SLMAP: variants seen among roughly 807,000 people sequenced by gnomAD.
SLMAP encodes sarcolemmal membrane-associated protein.
SLMAP carries 44 observed loss-of-function variants against 128.8 expected under a neutral mutation model. The observed-to-expected ratio is 0.34, with a 90% CI of 0.27 to 0.44. SLMAP has a LOEUF of 0.44. Among genes scored for constraint, SLMAP ranks in the 20% least tolerant of loss-of-function variants. The pLI is 1.00. For synonymous variants in SLMAP, 327 were observed against 348.8 expected (o/e 0.94, Z 0.70); for missense variants, 787 against 985.3 (o/e 0.80, Z 2.69).
At chr3:57,774,200 A>G (rs1325068802) in intron 2 of SLMAP, among the ~76,000 whole-genome samples, 1 of 152,200 alleles carries the variant, frequency 6.6e-6, no homozygotes, top group African/African-American at 2.4e-5. Flanking sequence ...GTGGAGGCAG[A>G]GTTTTAAGAT....
At chr3:57,916,128 C>T (rs1009777568) in intron 21 of SLMAP, among the ~76,000 whole-genome samples, 8 of 151,824 alleles carry the variant, frequency 5.3e-5, no homozygotes, top group Non-Finnish European at 7.4e-5. Flanking sequence ...TGCACTCCAG[C>T]CTGGGCAACA....
chr3:57,777,626 A>G (rs919179449), intron 2 of SLMAP, among the ~76,000 whole-genome samples: 5 of 152,224 alleles, frequency 3.3e-5, no homozygotes, highest in Non-Finnish European at 7.3e-5. Flanking sequence ...ATTGGCAAAT[A>G]TATTTGTAAA....
At position 57,857,792 on chromosome 3, in the gene SLMAP, A is replaced by G. The variant is rs1465498224; in HGVS notation, c.579A>G (p.Leu193=). The change falls in exon 7 of 25, where the codon CTA becomes CTG. Residue 193 remains leucine, a synonymous_variant. Coordinates refer to ENST00000671191, the MANE Select transcript of SLMAP (RefSeq NM_001377540.1). ...EQKLATLQRL[L]AITQEASDTS... ...AGTTAGCCACGCTTCAGCGGCTACT[A>G]GCCATCACCCAAGAGGCTTCAGATA... is the stretch of plus-strand genomic sequence containing the variant. 32 of 1,613,822 alleles carry G rather than the reference A, an allele frequency of 2.0e-5. No individual in the cohort carries two copies. In the East Asian group the frequency reaches 6.2e-4, roughly 31 times the overall value.
intron 15 of SLMAP, among the ~76,000 whole-genome samples, chr3:57,892,788 AC>A (rs2096118466): frequency 7.0e-6 from 1 of 142,892 alleles, no homozygotes; most frequent in African/African-American, 2.9e-5. Flanking sequence ...CTTAAAACAC[AC>A]ACACACACAC....
intron 2 of SLMAP, among the ~76,000 whole-genome samples, chr3:57,774,339 T>G (rs1052906001): frequency 2.0e-5 from 3 of 152,162 alleles, no homozygotes; most frequent in African/African-American, 7.2e-5. Context: ...ATAGGTAAAC[T>G]TTTTGAATAA....
chr3:57,792,370 C>T (rs1227658017), intron 2 of SLMAP, among the ~76,000 whole-genome samples: 1 of 151,598 alleles, frequency 6.6e-6, no homozygotes, highest in Non-Finnish European at 1.5e-5. Context: ...ACAGTAGTGA[C>T]AAATGTGACA....
rs769861145 is a variant in SLMAP at position 57,912,541 on chromosome 3, T to G, written c.1860T>G (p.Ala620=). Residue 620 remains alanine, a synonymous_variant, in exon 20 of 25, where the codon GCT becomes GCG. Transcript: ENST00000671191. ...CCTCTGAGCGGGACACTGACATTGCTTCTTTACAAGAAGAGCTTAAGAAGG... is the reference window on the plus strand; with the variant it reads ...CCTCTGAGCGGGACACTGACATTGCGTCTTTACAAGAAGAGCTTAAGAAGG... ...KVASERDTDI[A]SLQEELKKVR... is the part of the protein sequence containing the mutation. 2.5e-6 allele frequency: 4 copies of G among 1,614,188 alleles called. No homozygotes were observed. The highest frequency in any genetic ancestry group is 2.5e-6 in the Non-Finnish European group (3 of 1,180,022).
intron 2 of SLMAP, among the ~76,000 whole-genome samples, chr3:57,805,083 T>C (rs889542958): frequency 6.6e-6 from 1 of 152,166 alleles, no homozygotes; most frequent in Non-Finnish European, 1.5e-5. Context: ...TGGTTGGAGG[T>C]ATTAGCCCTT....
intron 13 of SLMAP, among the ~76,000 whole-genome samples, chr3:57,870,589 G>C (rs2153615518): frequency 6.6e-6 from 1 of 152,248 alleles, no homozygotes; most frequent in South Asian, 2.1e-4. Context: ...ATTAAAGAAG[G>C]TAGCCAACAG....
intron 13 of SLMAP, 29 bp downstream of exon 13, chr3:57,865,321 AC>A (rs1560312599): frequency 2.2e-6 from 2 of 921,598 alleles, no homozygotes; most frequent in Non-Finnish European, 3.3e-6. Flanking sequence ...ATATATATAT[AC>A]TTTTTATGAT....
chr3:57,790,957 A>G (rs2085325207), intron 2 of SLMAP, among the ~76,000 whole-genome samples: 1 of 152,214 alleles, frequency 6.6e-6, no homozygotes, highest in South Asian at 2.1e-4. Context: ...TATTAGATAC[A>G]TTTTCTGGGT....
At chr3:57,869,102 G>A (rs1336776203) in intron 13 of SLMAP, among the ~76,000 whole-genome samples, 1 of 143,184 alleles carries the variant, frequency 7.0e-6, no homozygotes, top group Non-Finnish European at 1.5e-5. Flanking sequence ...ACAATCACAA[G>A]GTCCCACATA....
Position 57,831,146 on chromosome 3 carries a change from ACT to A in SLMAP, c.199-234_199-233del, listed in dbSNP as rs565110055. 3.4e-4 allele frequency among the ~76,000 whole-genome samples: 52 copies of A among 151,888 alleles called. No homozygotes were observed. In the South Asian group the frequency reaches 1.0e-2, roughly 29 times the overall value. On this transcript the variant is annotated intron_variant, in intron 2 of 24. Transcript: ENST00000671191. ...GTTTAACATTTTGAGGACCTGACAA[ACT>A]CTTTTTCCAAAGAGGTTGTACCGTT...
intron 2 of SLMAP, among the ~76,000 whole-genome samples, chr3:57,788,036 A>G (rs2084622776): frequency 6.6e-6 from 1 of 152,230 alleles, no homozygotes; most frequent in Non-Finnish European, 1.5e-5. Flanking sequence ...CAGCTGAAAC[A>G]AGTCTTGAAA....
chr3:57,846,730 T>A (rs2094275160), intron 4 of SLMAP, among the ~76,000 whole-genome samples: 1 of 151,982 alleles, frequency 6.6e-6, no homozygotes, highest in Admixed American at 6.6e-5. Flanking sequence ...CTAATTTTTT[T>A]ATATTTTTAG....
At chr3:57,823,589 T>G (rs1174127770) in intron 2 of SLMAP, among the ~76,000 whole-genome samples, 5 of 152,246 alleles carry the variant, frequency 3.3e-5, no homozygotes, top group African/African-American at 1.2e-4. Context: ...ATGGTGTATA[T>G]GTGCCACATT....
chr3:57,782,697 TC>T (rs1427420784), intron 2 of SLMAP, among the ~76,000 whole-genome samples: 1 of 152,190 alleles, frequency 6.6e-6, no homozygotes, highest in Non-Finnish European at 1.5e-5. Flanking sequence ...GGTCTCAAAC[TC>T]CTGGGCTCAA....
At chr3:57,803,157 C>CTT (rs1049693238) in intron 2 of SLMAP, among the ~76,000 whole-genome samples, 4 of 152,074 alleles carry the variant, frequency 2.6e-5, no homozygotes, top group African/African-American at 9.6e-5. Context: ...ACATTGAAAA[C>CTT]TTTGATTCCA....
chr3:57,884,000 T>C (rs1442497905), intron 14 of SLMAP, among the ~76,000 whole-genome samples: 5 of 150,938 alleles, frequency 3.3e-5, no homozygotes, highest in Admixed American at 6.7e-5. Flanking sequence ...GGCATGATCT[T>C]GGCTCACTGC....
Sources: allele counts gnomAD v4.1 joint callset (sites outside exome capture counted in the v4.1 genomes callset), GRCh38; gene constraint gnomAD v4.1.1; transcripts MANE v1.5; gene names NCBI Gene and HGNC (gene_info 2026-07-23, HGNC 2026-07-21).